The following SYCP1 variants were observed in gnomAD, a reference collection of about 807,000 sequenced individuals.
SYCP1 encodes the protein cancer/testis antigen 8.
A neutral mutation model predicts 153.1 loss-of-function variants in SYCP1; 64 were observed. The observed-to-expected ratio is 0.42, with a 90% CI of 0.34 to 0.51. The LOEUF (loss-of-function observed/expected upper bound fraction) is 0.51, where lower values mean the gene tolerates loss of function less well. Among genes scored for constraint, SYCP1 ranks in the 20% least tolerant of loss-of-function variants. The pLI is 0.06. For missense variants in SYCP1, 997 were observed against 1,049.0 expected, an observed-to-expected ratio of 0.95 and a Z score of 0.68; for synonymous variants, 384 against 341.8, an observed-to-expected ratio of 1.12 and a Z score of -1.36.
chr1:114,908,716 T>G (rs1667990626), intron 16 of SYCP1, among the ~76,000 whole-genome samples: 1 of 152,166 alleles, frequency 6.6e-6, no homozygotes, highest in Non-Finnish European at 1.5e-5. Flanking sequence ...TTCCTTAGAT[T>G]TTCTATCTTT....
intron 27 of SYCP1, among the ~76,000 whole-genome samples, chr1:114,973,201 G>A (rs1171265650): frequency 6.6e-6 from 1 of 152,082 alleles, no homozygotes; most frequent in Non-Finnish European, 1.5e-5. Context: ...GGTGCTCTTA[G>A]TGAGTCTCTT....
intron 29 of SYCP1, among the ~76,000 whole-genome samples, chr1:114,984,095 T>A (rs534151077): frequency 2.6e-5 from 4 of 151,968 alleles, no homozygotes; most frequent in African/African-American, 9.6e-5. Flanking sequence ...AATTTTAGAG[T>A]TGGGGTCTTG....
At chr1:114,890,166 T>C (rs1474628113) in intron 15 of SYCP1, among the ~76,000 whole-genome samples, 4 of 152,188 alleles carry the variant, frequency 2.6e-5, no homozygotes, top group South Asian at 4.1e-4. Context: ...AGAAGTAACA[T>C]ACCATCCTTT....
chr1:114,948,751 A>C (rs775497753), intron 27 of SYCP1, among the ~76,000 whole-genome samples: 9 of 152,208 alleles, frequency 5.9e-5, no homozygotes, highest in Non-Finnish European at 1.2e-4. Flanking sequence ...TTATATTTTC[A>C]ATTAAAGGAC....
At chr1:114,870,194 T>C (rs1313033532) in intron 8 of SYCP1, among the ~76,000 whole-genome samples, 1 of 151,972 alleles carries the variant, frequency 6.6e-6, no homozygotes, top group Non-Finnish European at 1.5e-5. Context: ...TTCTATTTTT[T>C]GTAGAGAAGG....
At chr1:114,860,044 A>AT (rs1191976150) in intron 7 of SYCP1, among the ~76,000 whole-genome samples, 1 of 152,190 alleles carries the variant, frequency 6.6e-6, no homozygotes, top group East Asian at 1.9e-4. Flanking sequence ...AGGAATAAAC[A>AT]TTCCTTGGTG....
chr1:114,993,446 T>G (rs1674058266), intron 30 of SYCP1, among the ~76,000 whole-genome samples: 1 of 151,510 alleles, frequency 6.6e-6, no homozygotes, highest in African/African-American at 2.4e-5. Flanking sequence ...TGGAGCCAGA[T>G]TACCTGAATT....
At chr1:114,917,202 T>G (rs1668562346) in intron 20 of SYCP1, among the ~76,000 whole-genome samples, 1 of 152,106 alleles carries the variant, frequency 6.6e-6, no homozygotes, top group Non-Finnish European at 1.5e-5. Flanking sequence ...TGAGTTCAAT[T>G]GTTGTAACTT....
At chr1:114,949,008 C>G (rs1670923635) in intron 27 of SYCP1, among the ~76,000 whole-genome samples, 1 of 152,060 alleles carries the variant, frequency 6.6e-6, no homozygotes, top group South Asian at 2.1e-4. Flanking sequence ...AGACATTTTT[C>G]TCAGGGAAGG....
intron 27 of SYCP1, among the ~76,000 whole-genome samples, chr1:114,975,198 G>A (rs1325813552): frequency 1.3e-5 from 2 of 151,578 alleles, no homozygotes; most frequent in Non-Finnish European, 3.0e-5. Flanking sequence ...TCCAATTTTT[G>A]TGTTGTTGAG....
chr1:114,923,397 T>A, intron 20 of SYCP1, 52 bp from the exon 21 acceptor site: 1 of 1,489,024 alleles, frequency 6.7e-7, no homozygotes. Context: ...TTTGAGATCT[T>A]CTATAGGCCT....
chr1:114,944,699 T>A (rs1413852914), intron 24 of SYCP1, among the ~76,000 whole-genome samples, 173 bp from the exon 25 acceptor site: 1 of 151,890 alleles, frequency 6.6e-6, no homozygotes, highest in Non-Finnish European at 1.5e-5. Flanking sequence ...TATAGTGTCA[T>A]CTTACTTCAT....
chr1:114,888,461 T>TCACAAGTA (rs1666461034), intron 15 of SYCP1, among the ~76,000 whole-genome samples: 1 of 151,974 alleles, frequency 6.6e-6, no homozygotes, highest in Non-Finnish European at 1.5e-5. Context: ...GCTTTACATT[T>TCACAAGTA]CACAAGTAGT....
At chr1:114,906,852 T>C (rs1387056724) in intron 16 of SYCP1, among the ~76,000 whole-genome samples, 2 of 152,222 alleles carry the variant, frequency 1.3e-5, no homozygotes. Context: ...TTAGGCTCAG[T>C]TGGCTGATGG....
chr1:114,872,919 G>A (rs1267330900), intron 8 of SYCP1, among the ~76,000 whole-genome samples: 1 of 152,018 alleles, frequency 6.6e-6, no homozygotes, highest in Non-Finnish European at 1.5e-5. Flanking sequence ...CCTTCTGAGT[G>A]GCTGGGATTA....
intron 27 of SYCP1, among the ~76,000 whole-genome samples, chr1:114,971,486 T>C (rs1312052739): frequency 2.0e-5 from 3 of 152,116 alleles, no homozygotes; most frequent in Admixed American, 2.0e-4. Flanking sequence ...GCCAAATTTA[T>C]ATCCAGACCT....
chr1:114,909,484 C>T (rs1668036654), intron 16 of SYCP1, among the ~76,000 whole-genome samples: 1 of 113,204 alleles, frequency 8.8e-6, no homozygotes, highest in African/African-American at 3.4e-5. Flanking sequence ...TTCCCTCTCT[C>T]TCCCTTGCTG....
intron 27 of SYCP1, among the ~76,000 whole-genome samples, chr1:114,970,985 C>T (rs577683524): frequency 6.6e-6 from 1 of 152,266 alleles, no homozygotes; most frequent in East Asian, 1.9e-4. Flanking sequence ...TTTCCCCTTC[C>T]TTGGAGTAGG....
chr1:114,984,560 G>A (rs1673374192), intron 29 of SYCP1, among the ~76,000 whole-genome samples, 165 bp from the exon 30 acceptor site: 1 of 151,924 alleles, frequency 6.6e-6, no homozygotes, highest in African/African-American at 2.4e-5. Flanking sequence ...AAAAACATTT[G>A]AATTAAATTC....
Sources: gnomAD v4.1 joint callset for allele counts (sites outside exome capture counted in the v4.1 genomes callset) on GRCh38, gnomAD v4.1.1 for gene constraint, MANE v1.5 for transcripts, NCBI Gene and HGNC (gene_info 2026-07-23, HGNC 2026-07-21) for gene names.